The following RSRC2 variants were observed in gnomAD, a reference collection of about 807,000 sequenced individuals.
The protein encoded by RSRC2 is arginine and serine rich coiled-coil 2, also known as arginine/serine-rich coiled-coil protein 2.
RSRC2 carries 5 observed loss-of-function variants against 61.3 expected under a neutral mutation model. The ratio of observed to expected loss-of-function variants is 0.08; its 90% confidence interval spans 0.04 to 0.17. The LOEUF is 0.17. Among genes scored for constraint, RSRC2 ranks in the 10% least tolerant of loss-of-function variants. RSRC2 has a pLI of 1.00. For missense variants in RSRC2, 381 were observed against 518.8 expected (o/e 0.73, Z 2.58); for synonymous variants, 202 against 166.5 (o/e 1.21, Z -1.64).
chr12:122,526,598 C>A (rs559913497), intron 1 of RSRC2, among the ~76,000 whole-genome samples: 1 of 151,866 alleles, frequency 6.6e-6, no homozygotes, highest in Non-Finnish European at 1.5e-5. Flanking sequence ...GCGAAAGGAA[C>A]GTAGGGTTGG....
intron 4 of RSRC2, 122 bp downstream of exon 4, chr12:122,518,717 C>T: frequency 1.2e-6 from 1 of 823,822 alleles, no homozygotes; most frequent in South Asian, 1.7e-5. Flanking sequence ...AACAAAACCA[C>T]AAACCCAAAC....
chr12:122,506,999 T>C (rs557777899), intron 8 of RSRC2, 76 bp from the exon 9 acceptor site: 5 of 783,748 alleles, frequency 6.4e-6, no homozygotes, highest in South Asian at 6.2e-5. Context: ...CAACAATGTC[T>C]AAATTAAAAA....
At position 122,508,910 on chromosome 12, in the gene RSRC2, C is replaced by T. The variant is rs1034234865; in HGVS notation, c.806-463G>A. Reference sequence around the variant, plus strand: ...GGCGAAGGTTGCAGTGAGTCGAGATCATGCCACTGCACTCCAGCCTGGGCA... The same window carrying T: ...GGCGAAGGTTGCAGTGAGTCGAGATTATGCCACTGCACTCCAGCCTGGGCA... On this transcript the variant is annotated intron_variant, in intron 7 of 9. Transcript: ENST00000331738. Among the ~76,000 whole-genome samples the T allele has an allele frequency of 4.6e-5, 7 of 151,728 alleles. No homozygotes were observed. The South Asian group carries it at 6.3e-4, about 14-fold the overall frequency.
intron 5 of RSRC2, among the ~76,000 whole-genome samples, chr12:122,516,542 G>A (rs189341985): frequency 3.3e-5 from 5 of 152,280 alleles, no homozygotes; most frequent in Admixed American, 2.6e-4. Context: ...CTTTAAGCAC[G>A]ACACACTTAC....
chr12:122,525,157 T>A (rs1265053527), intron 1 of RSRC2, among the ~76,000 whole-genome samples: 1 of 152,110 alleles, frequency 6.6e-6, no homozygotes, highest in Non-Finnish European at 1.5e-5. Flanking sequence ...GTGGATCATC[T>A]GAGGTCAGGA....
At chr12:122,511,260 GCATGTA>G (rs1366727026) in intron 6 of RSRC2, 72 bp from the exon 7 acceptor site, 2 of 1,121,574 alleles carry the variant, frequency 1.8e-6, no homozygotes, top group Non-Finnish European at 2.5e-6. Context: ...CTCTATATGT[GCATGTA>G]CAGAGACAAG....
At chr12:122,506,952 T>A (rs764902474) in intron 8 of RSRC2, 29 bp from the exon 9 acceptor site, 1 of 1,256,886 alleles carries the variant, frequency 8.0e-7, no homozygotes. Flanking sequence ...CTTTAAAATA[T>A]GTAAAATTTA....
intron 6 of RSRC2, 28 bp downstream of exon 6, chr12:122,515,077 G>GA (rs752817310): frequency 1.6e-5 from 25 of 1,602,440 alleles, no homozygotes; most frequent in African/African-American, 1.3e-4. Flanking sequence ...AGGCGAACTG[G>GA]AACAAATGAA....
intron 3 of RSRC2, chr12:122,519,230 G>C (rs1184120990): frequency 1.9e-6 from 1 of 513,358 alleles, no homozygotes; most frequent in Non-Finnish European, 3.5e-6. Flanking sequence ...CCAAAATGTA[G>C]TTCCTCCCCA....
intron 5 of RSRC2, among the ~76,000 whole-genome samples, chr12:122,516,913 G>C (rs1374625251): frequency 1.3e-5 from 2 of 152,090 alleles, no homozygotes; most frequent in Non-Finnish European, 2.9e-5. Context: ...GGCTGGTCTT[G>C]AACTCCTGGG....
chr12:122,506,994 A>G, intron 8 of RSRC2, 71 bp from the exon 9 acceptor site: 1 of 815,214 alleles, frequency 1.2e-6, no homozygotes, highest in Non-Finnish European at 2.0e-6. Flanking sequence ...TCTCTCAACA[A>G]TGTCTAAATT....
intron 3 of RSRC2, 47 bp from the exon 4 acceptor site, chr12:122,519,076 G>GA (rs1318246515): frequency 2.6e-6 from 4 of 1,533,340 alleles, no homozygotes; most frequent in Non-Finnish European, 3.6e-6. Context: ...GTGCAACAAA[G>GA]AGAGTTAGTA....
chr12:122,518,625 T>C, intron 4 of RSRC2, among the ~76,000 whole-genome samples: 1 of 149,834 alleles, frequency 6.7e-6, no homozygotes, highest in East Asian at 1.9e-4. Flanking sequence ...ATCTAGGCAC[T>C]TGAGATTTAG....
intron 3 of RSRC2, 67 bp from the exon 4 acceptor site, chr12:122,519,096 G>A (rs778347589): frequency 3.0e-6 from 4 of 1,335,548 alleles, no homozygotes; most frequent in Admixed American, 3.6e-5. Flanking sequence ...ATGGGTATCA[G>A]TAGACAAAAA....
chr12:122,520,514 A>G (rs767298104), intron 3 of RSRC2: 12 of 1,364,898 alleles, frequency 8.8e-6, no homozygotes, highest in South Asian at 1.1e-5. Flanking sequence ...CTTATCATGA[A>G]GTAGGCTTAT....
At position 122,517,211 on chromosome 12, in the gene RSRC2, G is replaced by C; in HGVS notation, c.602+16C>G. On this transcript the variant is annotated intron_variant, in intron 5 of 9. Transcript: ENST00000331738. ...GAGGGTCCTATTAAATTTTATTCAGGATGATGGTCACCTACCGACTCCTAC... is the reference window on the plus strand; with the variant it reads ...GAGGGTCCTATTAAATTTTATTCAGCATGATGGTCACCTACCGACTCCTAC... The C allele has an allele frequency of 6.2e-7, 1 of 1,613,936 alleles. No individual in the cohort carries two copies. The highest frequency in any genetic ancestry group is 8.5e-7 in the Non-Finnish European group (1 of 1,179,878).
chr12:122,517,134 T>C, intron 5 of RSRC2, 93 bp downstream of exon 5: 5 of 1,560,202 alleles, frequency 3.2e-6, no homozygotes, highest in Non-Finnish European at 4.4e-6. Context: ...TAAATAGAAT[T>C]GTGACTCACA....
At chr12:122,521,143 T>A in intron 3 of RSRC2, 1 of 422,206 alleles carries the variant, frequency 2.4e-6, no homozygotes, top group South Asian at 4.0e-5. Context: ...ATATTCTTCA[T>A]ATGAAATTTT....
chr12:122,513,731 T>C (rs1593383894), intron 6 of RSRC2: 1 of 955,732 alleles, frequency 1.0e-6, no homozygotes, highest in South Asian at 4.8e-5. Context: ...ATTAATACCA[T>C]TCACTAAGGT....
Sources: gnomAD v4.1 joint callset for allele counts (sites outside exome capture counted in the v4.1 genomes callset) on GRCh38, gnomAD v4.1.1 for gene constraint, MANE v1.5 for transcripts, NCBI Gene and HGNC (gene_info 2026-07-23, HGNC 2026-07-21) for gene names.